The following RALYL variants were observed in gnomAD, a reference collection of about 807,000 sequenced individuals.
The protein encoded by RALYL is RALY RNA binding protein like.
A neutral mutation model predicts 35.1 loss-of-function variants in RALYL; 29 were observed. The observed-to-expected ratio is 0.83, with a 90% CI of 0.61 to 1.13. The LOEUF (loss-of-function observed/expected upper bound fraction) is 1.13, where lower values mean the gene tolerates loss of function less well. RALYL is among the 50% of genes most tolerant of loss of function. RALYL has a pLI of 0.00. For synonymous variants in RALYL, 120 were observed against 127.6 expected, an observed-to-expected ratio of 0.94 and a Z score of 0.40; for missense variants, 359 against 360.4, an observed-to-expected ratio of 1.00 and a Z score of 0.03.
chr8:84,490,393 T>C (rs1334111939), intron 1 of RALYL, among the ~76,000 whole-genome samples: 1 of 151,434 alleles, frequency 6.6e-6, no homozygotes, highest in Non-Finnish European at 1.5e-5. Context: ...GGAGGTGAAA[T>C]AAAAAAGAAT....
chr8:84,413,366 G>A (rs1434760216), intron 1 of RALYL, among the ~76,000 whole-genome samples: 8 of 151,198 alleles, frequency 5.3e-5, no homozygotes, highest in Non-Finnish European at 8.9e-5. Flanking sequence ...GGTTATTTGG[G>A]AAAAAGTAGG....
intron 6 of RALYL, among the ~76,000 whole-genome samples, chr8:84,871,528 G>A (rs1414245529): frequency 6.6e-6 from 1 of 152,120 alleles, no homozygotes; most frequent in Non-Finnish European, 1.5e-5. Flanking sequence ...AAAGGAATGA[G>A]TACCACTCTT....
chr8:84,555,284 T>TAC (rs1202575826), intron 2 of RALYL, among the ~76,000 whole-genome samples: 1 of 142,052 alleles, frequency 7.0e-6, no homozygotes, highest in African/African-American at 2.8e-5. Flanking sequence ...TCTCAATATA[T>TAC]ACATACACAC....
chr8:84,841,241 C>T (rs569628572), intron 4 of RALYL, among the ~76,000 whole-genome samples: 3 of 152,252 alleles, frequency 2.0e-5, no homozygotes, highest in Admixed American at 1.3e-4. Flanking sequence ...TGCAGAGGCA[C>T]ACATAGGCTC....
intron 2 of RALYL, among the ~76,000 whole-genome samples, chr8:84,539,992 A>G (rs2059914456): frequency 6.7e-6 from 1 of 150,092 alleles, no homozygotes; most frequent in South Asian, 2.1e-4. Flanking sequence ...TGATATTGTA[A>G]ATAATACTGA....
At chr8:84,692,121 T>A (rs1237723533) in intron 2 of RALYL, among the ~76,000 whole-genome samples, 1 of 151,904 alleles carries the variant, frequency 6.6e-6, no homozygotes, top group Middle Eastern at 3.2e-3. Context: ...TGCACATGAG[T>A]AAAATCATGC....
chr8:84,209,635 A>G (rs1206448146), intron 1 of RALYL, among the ~76,000 whole-genome samples: 2 of 152,118 alleles, frequency 1.3e-5, no homozygotes, highest in African/African-American at 4.8e-5. Flanking sequence ...CTGATTGAAG[A>G]CCCTAGACTT....
intron 2 of RALYL, among the ~76,000 whole-genome samples, chr8:84,749,433 G>A (rs1809425332): frequency 6.6e-6 from 1 of 152,122 alleles, no homozygotes; most frequent in African/African-American, 2.4e-5. Context: ...TCACTTGGGA[G>A]CACCTACTAC....
At chr8:84,279,660 C>T (rs1195085971) in intron 1 of RALYL, among the ~76,000 whole-genome samples, 1 of 152,118 alleles carries the variant, frequency 6.6e-6, no homozygotes, top group African/African-American at 2.4e-5. Flanking sequence ...GGAGCATCCA[C>T]TTTCTTGCTT....
intron 1 of RALYL, among the ~76,000 whole-genome samples, chr8:84,227,163 C>T (rs187229986): frequency 2.8e-4 from 39 of 141,228 alleles, no homozygotes; most frequent in East Asian, 1.3e-3. Flanking sequence ...CGGGTTCAAA[C>T]GATTTTCCTG....
At chr8:84,571,609 A>C (rs890968770) in intron 2 of RALYL, among the ~76,000 whole-genome samples, 2 of 151,560 alleles carry the variant, frequency 1.3e-5, no homozygotes, top group South Asian at 2.1e-4. Context: ...TCTCAGTCTC[A>C]TTTAGTTCTC....
chr8:84,470,912 G>C (rs538676804), intron 1 of RALYL, among the ~76,000 whole-genome samples: 2 of 152,112 alleles, frequency 1.3e-5, no homozygotes, highest in South Asian at 4.1e-4. Context: ...CATTTAAATA[G>C]GAGCTCACCC....
chr8:84,594,857 C>A (rs537205838), intron 2 of RALYL, among the ~76,000 whole-genome samples: 14 of 151,990 alleles, frequency 9.2e-5, no homozygotes, highest in Non-Finnish European at 2.1e-4. Flanking sequence ...CTGAATGAAC[C>A]TTTTCCATTT....
intron 2 of RALYL, among the ~76,000 whole-genome samples, chr8:84,725,317 T>C (rs1026350555): frequency 2.6e-5 from 4 of 151,758 alleles, no homozygotes; most frequent in African/African-American, 9.7e-5. Context: ...GCCACACTTA[T>C]TTCTTTTTCC....
chr8:84,912,460 T>C (rs1457351148), intron 8 of RALYL, among the ~76,000 whole-genome samples: 2 of 152,070 alleles, frequency 1.3e-5, no homozygotes, highest in East Asian at 3.9e-4. Flanking sequence ...AATGTTTATT[T>C]AAAGTTTATT....
At chr8:84,284,257 T>A (rs1290134710) in intron 1 of RALYL, among the ~76,000 whole-genome samples, 1 of 152,142 alleles carries the variant, frequency 6.6e-6, no homozygotes, top group Non-Finnish European at 1.5e-5. Context: ...AGTAACACTG[T>A]TTTCTTTCAA....
chr8:84,228,039 A>G (rs1385769736), intron 1 of RALYL, among the ~76,000 whole-genome samples: 2 of 152,098 alleles, frequency 1.3e-5, no homozygotes, highest in Non-Finnish European at 2.9e-5. Context: ...TGCTTCAATA[A>G]CAATATAGAG....
chr8:84,850,909 T>A lies in RALYL; in HGVS notation c.413+882T>A, dbSNP rs79968729. Reference sequence around the variant, plus strand: ...CCATAGCGTTATACGTTTCATCACATCACATCCACTTTCCTCACTTATGTC... The same window carrying A: ...CCATAGCGTTATACGTTTCATCACAACACATCCACTTTCCTCACTTATGTC... On this transcript the variant is annotated intron_variant, in intron 5 of 8. Coordinates refer to ENST00000521268, the MANE Select transcript of RALYL (RefSeq NM_173848.7). 1.1e-3 allele frequency among the ~76,000 whole-genome samples: 174 copies of A among 152,314 alleles called. 2 individuals are homozygous for A. In the East Asian group the frequency reaches 0.028, roughly 24 times the overall value.
At chr8:84,878,450 TA>T (rs1335548777) in intron 7 of RALYL, among the ~76,000 whole-genome samples, 17 of 152,090 alleles carry the variant, frequency 1.1e-4, no homozygotes, top group African/African-American at 3.9e-4. Flanking sequence ...AGTATCTCTC[TA>T]TACTTACAAA....
Sources: allele counts gnomAD v4.1 joint callset (sites outside exome capture counted in the v4.1 genomes callset), GRCh38; gene constraint gnomAD v4.1.1; transcripts MANE v1.5; gene names NCBI Gene and HGNC (gene_info 2026-07-23, HGNC 2026-07-21).